The following CDH13 variants were observed in gnomAD, a reference collection of about 807,000 sequenced individuals.
CDH13 encodes the protein cadherin-13.
Under a neutral mutation model 63.8 loss-of-function variants are expected in CDH13, and 24 were observed. The ratio of observed to expected loss-of-function variants is 0.38; its 90% CI spans 0.27 to 0.53. The LOEUF (loss-of-function observed/expected upper bound fraction) is 0.53. Ranked by LOEUF, CDH13 falls within the 20% of genes least tolerant of loss-of-function variation. The pLI is 0.85. For missense variants in CDH13, 1,049 were observed against 903.1 expected (o/e 1.16, Z -2.07); for synonymous variants, 503 against 355.3 (o/e 1.42, Z -4.67).
At chr16:83,512,017 CT>C (rs1404441511) in intron 7 of CDH13, among the ~76,000 whole-genome samples, 1 of 152,016 alleles carries the variant, frequency 6.6e-6, no homozygotes, top group African/African-American at 2.4e-5. Flanking sequence ...TAGAAACTAG[CT>C]TTTTTAAAAA....
At chr16:83,278,797 A>G (rs1010079271) in intron 5 of CDH13, among the ~76,000 whole-genome samples, 1 of 152,192 alleles carries the variant, frequency 6.6e-6, no homozygotes, top group African/African-American at 2.4e-5. Flanking sequence ...AAGAACCTGT[A>G]TTCATAGCAA....
chr16:83,125,367 T>A lies in CDH13; in HGVS notation c.367-18T>A. On this transcript the variant is annotated intron_variant, in intron 3 of 13. Coordinates refer to ENST00000567109, the MANE Select transcript of CDH13 (RefSeq NM_001257.5). ...TTCAATGGGAGATTTTAATCAATCC[T>A]TTTGTTTTCCCTTTTAGGATATATT... 7.5e-7 allele frequency: 1 copy of A among 1,327,990 alleles called. No individual in the cohort carries two copies. Among genetic ancestry groups the A allele is most frequent in the Non-Finnish European group, 1.1e-6 (1 of 922,270 alleles). The allele number at this position is 1,327,990 out of a possible 1,614,324, so 82.3% of individuals were successfully genotyped here.
chr16:83,685,090 A>G (rs1257476496), intron 10 of CDH13, among the ~76,000 whole-genome samples: 1 of 152,220 alleles, frequency 6.6e-6, no homozygotes, highest in Non-Finnish European at 1.5e-5. Context: ...TGGAGAAAGA[A>G]GAGGGATACT....
chr16:83,769,464 T>C (rs1407258626), intron 11 of CDH13, among the ~76,000 whole-genome samples: 1 of 152,154 alleles, frequency 6.6e-6, no homozygotes. Context: ...TTTTTGAAGC[T>C]AGCTTGGAAA....
At chr16:83,425,148 G>C (rs184091683) in intron 6 of CDH13, among the ~76,000 whole-genome samples, 51 of 152,286 alleles carry the variant, frequency 3.3e-4, no homozygotes, top group African/African-American at 1.2e-3. Context: ...TTTGTAAAAG[G>C]TCATTCTGCT....
chr16:82,707,692 A>G (rs2031602602), intron 1 of CDH13, among the ~76,000 whole-genome samples: 1 of 152,116 alleles, frequency 6.6e-6, no homozygotes, highest in Admixed American at 6.5e-5. Flanking sequence ...TGCCCTCTTT[A>G]AGCTTGATGT....
At chr16:82,703,570 C>G (rs1179379349) in intron 1 of CDH13, among the ~76,000 whole-genome samples, 2 of 152,160 alleles carry the variant, frequency 1.3e-5, no homozygotes, top group Non-Finnish European at 2.9e-5. Context: ...TAATGCTTTA[C>G]TGGCTTTCTT....
chr16:82,833,469 G>T (rs1259996750), intron 1 of CDH13, among the ~76,000 whole-genome samples: 2 of 152,214 alleles, frequency 1.3e-5, no homozygotes, highest in African/African-American at 4.8e-5. Flanking sequence ...CCAACAGCCT[G>T]TTGCTGTGTG....
At chr16:83,487,258 T>C (rs1393699035) in intron 7 of CDH13, among the ~76,000 whole-genome samples, 2 of 152,264 alleles carry the variant, frequency 1.3e-5, no homozygotes, top group African/African-American at 4.8e-5. Context: ...TTGCCTGCAG[T>C]GTTTTACAGC....
chr16:82,707,069 T>C (rs28597677), intron 1 of CDH13, among the ~76,000 whole-genome samples: 24,813 of 152,180 alleles, frequency 0.16, 2,177 homozygotes, highest in African/African-American at 0.23. Flanking sequence ...GACCATCCCC[T>C]GTTTGGCGGG....
intron 10 of CDH13, among the ~76,000 whole-genome samples, chr16:83,712,418 G>A (rs1341485508): frequency 6.6e-6 from 1 of 152,164 alleles, no homozygotes; most frequent in African/African-American, 2.4e-5. Flanking sequence ...GGAGAATGAG[G>A]CATGCATCTA....
chr16:83,226,876 C>T (rs528888091), intron 5 of CDH13, among the ~76,000 whole-genome samples: 154 of 152,272 alleles, frequency 1.0e-3, no homozygotes, highest in African/African-American at 3.4e-3. Context: ...TTCCAGCTCC[C>T]GCCACCCATT....
At chr16:83,383,376 A>C (rs1224742366) in intron 6 of CDH13, among the ~76,000 whole-genome samples, 1 of 152,162 alleles carries the variant, frequency 6.6e-6, no homozygotes, top group Non-Finnish European at 1.5e-5. Context: ...TCAAATTTGC[A>C]GCAAGATATT....
intron 1 of CDH13, among the ~76,000 whole-genome samples, chr16:82,762,644 GT>G (rs577867919): frequency 5.8e-4 from 88 of 152,252 alleles, no homozygotes; most frequent in Admixed American, 1.0e-3. Context: ...TTCCATGACT[GT>G]TTATTAAAAT....
chr16:82,919,684 C>T (rs1414606648), intron 2 of CDH13, among the ~76,000 whole-genome samples: 2 of 152,126 alleles, frequency 1.3e-5, no homozygotes, highest in African/African-American at 4.8e-5. Flanking sequence ...ATGTGGCCAA[C>T]ATTTTAAAAG....
intron 4 of CDH13, among the ~76,000 whole-genome samples, chr16:83,211,957 A>G (rs2039351476): frequency 6.6e-6 from 1 of 152,192 alleles, no homozygotes; most frequent in African/African-American, 2.4e-5. Context: ...ATTACAAAGA[A>G]TAATAGGAAG....
intron 4 of CDH13, among the ~76,000 whole-genome samples, chr16:83,181,776 AGTGT>A (rs1172990548): frequency 6.6e-6 from 1 of 151,802 alleles, no homozygotes; most frequent in Non-Finnish European, 1.5e-5. Context: ...AGGCAAAGTG[AGTGT>A]GTGTGTGCAT....
In CDH13 at chr16:82,922,873, C is replaced by A. The variant is rs908089532; in HGVS notation, c.157+64400C>A. 5.4e-4 allele frequency among the ~76,000 whole-genome samples: 82 copies of A among 152,160 alleles called. 1 individual carries two copies. Among genetic ancestry groups the A allele is most frequent in the African/African-American group, 1.8e-3 (75 of 41,508 alleles). On this transcript the variant is annotated intron_variant, in intron 2 of 13. Transcript: ENST00000567109. ...TTAAATGTGAGAAGGGTATACAGGC[C>A]TACCTTGTTGATATTGAGGATTTGA...
chr16:83,723,341 T>A (rs1341028124), intron 10 of CDH13, among the ~76,000 whole-genome samples: 3 of 152,218 alleles, frequency 2.0e-5, no homozygotes, highest in Non-Finnish European at 4.4e-5. Flanking sequence ...CCTCTCTCCA[T>A]GTCCCACAGA....
Sources: allele counts gnomAD v4.1 joint callset (sites outside exome capture counted in the v4.1 genomes callset), GRCh38; gene constraint gnomAD v4.1.1; transcripts MANE v1.5; gene names NCBI Gene and HGNC (gene_info 2026-07-23, HGNC 2026-07-21).